Variants in TMCO6 observed in about 807,000 individuals in gnomAD.
TMCO6 encodes transmembrane and coiled-coil domains 6, also known as transmembrane and coiled-coil domain-containing protein 6.
A neutral mutation model predicts 61.8 loss-of-function variants in TMCO6; 47 were observed. That is an observed-to-expected ratio of 0.76 (90% confidence interval 0.60 to 0.97). The LOEUF is 0.97. Ranked by LOEUF, TMCO6 falls within the 50% of genes least tolerant of loss-of-function variation. The pLI, the probability that TMCO6 is intolerant of heterozygous loss-of-function variation, is 0.00. For missense variants in TMCO6, 557 were observed against 601.6 expected, an observed-to-expected ratio of 0.93 and a Z score of 0.78; for synonymous variants, 261 against 254.2, an observed-to-expected ratio of 1.03 and a Z score of -0.25.
At chr5:140,598,759 C>T in the TMCO6 span, among the ~76,000 whole-genome samples, 15 of 152,090 alleles carry the variant, frequency 9.9e-5, no homozygotes, top group Non-Finnish European at 4.4e-5. Flanking sequence ...CATGGTGAAA[C>T]CCAGTCTCTA....
At chr5:140,629,100 C>T in the TMCO6 span, among the ~76,000 whole-genome samples, 3 of 152,108 alleles carry the variant, frequency 2.0e-5, no homozygotes, top group Admixed American at 2.0e-4. Flanking sequence ...GAAACCCTGT[C>T]TCTACTAAAA....
chr5:140,620,590 G>A, the TMCO6 span, among the ~76,000 whole-genome samples: 2 of 152,196 alleles, frequency 1.3e-5, no homozygotes, highest in East Asian at 3.8e-4. Flanking sequence ...CTCTGGTGGG[G>A]GTTGTCGATA....
upstream of TMCO6, among the ~76,000 whole-genome samples, chr5:140,635,034 G>A (rs955332754): frequency 2.0e-5 from 3 of 152,050 alleles, no homozygotes; most frequent in Non-Finnish European, 2.9e-5. Context: ...CACCTGCCTC[G>A]GCCTCCCAAA....
chr5:140,634,912 G>A (rs12519656), upstream of TMCO6, among the ~76,000 whole-genome samples: 73 of 152,104 alleles, frequency 4.8e-4, no homozygotes, highest in Admixed American at 2.0e-3. Flanking sequence ...CTTCCCGAGC[G>A]GCTGGGATTA....
At chr5:140,610,918 C>T in the TMCO6 span, among the ~76,000 whole-genome samples, 34 of 152,088 alleles carry the variant, frequency 2.2e-4, no homozygotes, top group Non-Finnish European at 4.0e-4. Flanking sequence ...AGTGTTTTTT[C>T]GTGAGAGGTG....
the TMCO6 span, among the ~76,000 whole-genome samples, chr5:140,619,816 A>G: frequency 1.3e-5 from 2 of 152,212 alleles, 1 homozygote; most frequent in South Asian, 4.1e-4. Flanking sequence ...AGTTATCAGG[A>G]AAATGCAAAT....
intron 4 of TMCO6, 71 bp downstream of exon 4, chr5:140,642,124 C>T: frequency 1.3e-6 from 2 of 1,550,064 alleles, no homozygotes; most frequent in East Asian, 2.3e-5. Context: ...CCAGTTTGAG[C>T]TGGCAGGTAG....
chr5:140,647,650 G>A (rs1289716374), downstream of TMCO6: 2 of 1,567,156 alleles, frequency 1.3e-6, no homozygotes, highest in South Asian at 1.1e-5. Flanking sequence ...ACCAACCGCG[G>A]ACCCTAAAGC....
At chr5:140,603,570 A>T in the TMCO6 span, among the ~76,000 whole-genome samples, 1 of 152,160 alleles carries the variant, frequency 6.6e-6, no homozygotes, top group Non-Finnish European at 1.5e-5. Context: ...GGCCTCCGAA[A>T]GTGCTGGGAT....
chr5:140,610,186 T>TG, the TMCO6 span, among the ~76,000 whole-genome samples: 1 of 70,728 alleles, frequency 1.4e-5, no homozygotes, highest in Non-Finnish European at 2.6e-5. Flanking sequence ...CCATTTCTAC[T>TG]AAAAAAAAAA....
the TMCO6 span, among the ~76,000 whole-genome samples, chr5:140,607,125 C>G: frequency 1.3e-5 from 2 of 151,906 alleles, no homozygotes; most frequent in African/African-American, 4.8e-5. Context: ...ATTGTGCAAC[C>G]ATTGCTACTA....
chr5:140,597,030 T>G, the TMCO6 span, among the ~76,000 whole-genome samples: 2 of 152,204 alleles, frequency 1.3e-5, no homozygotes, highest in Non-Finnish European at 2.9e-5. Context: ...TCTAAAGATT[T>G]TTGAAGCTCT....
At chr5:140,602,793 C>CA in the TMCO6 span, among the ~76,000 whole-genome samples, 14 of 145,140 alleles carry the variant, frequency 9.6e-5, no homozygotes, top group East Asian at 2.0e-4. Context: ...CACACACACA[C>CA]AAAAAAAAAG....
At chr5:140,596,647 C>A in the TMCO6 span, among the ~76,000 whole-genome samples, 5 of 152,176 alleles carry the variant, frequency 3.3e-5, no homozygotes, top group African/African-American at 1.2e-4. Context: ...GAGCGACTGG[C>A]TGGAACAGCC....
At chr5:140,640,858 TTGAA>T (rs886399446) in intron 2 of TMCO6, among the ~76,000 whole-genome samples, 4 of 152,248 alleles carry the variant, frequency 2.6e-5, no homozygotes, top group African/African-American at 9.6e-5. Context: ...TCAGTGTTTA[TTGAA>T]TGAGTGAATG....
chr5:140,634,212 C>G, the TMCO6 span, among the ~76,000 whole-genome samples: 1 of 152,186 alleles, frequency 6.6e-6, no homozygotes. Flanking sequence ...AGTTTTCCCA[C>G]TTGCACGTTG....
chr5:140,633,170 A>C, the TMCO6 span: 1 of 1,477,382 alleles, frequency 6.8e-7, no homozygotes. Context: ...CAGGCTTCAC[A>C]CTTGTGAACT....
chr5:140,647,409 CCTCAACTTCAGGGAGGT>C, downstream of TMCO6: 1 of 1,610,882 alleles, frequency 6.2e-7, no homozygotes. Flanking sequence ...CGGGGGCTTC[CCTCAACTTCAGGGAGGT>C]CGAGGTCGTG....
chr5:140,601,707 T>A, the TMCO6 span, among the ~76,000 whole-genome samples: 3 of 152,168 alleles, frequency 2.0e-5, no homozygotes, highest in African/African-American at 4.8e-5. Flanking sequence ...GTGCCAGCAG[T>A]CTCAGCATCT....
Sources: gnomAD v4.1 joint callset for allele counts (sites outside exome capture counted in the v4.1 genomes callset) on GRCh38, gnomAD v4.1.1 for gene constraint, MANE v1.5 for transcripts, NCBI Gene and HGNC (gene_info 2026-07-23, HGNC 2026-07-21) for gene names.